The following AHCYL2 variants were observed in gnomAD, a reference collection of about 807,000 sequenced individuals.
AHCYL2 encodes the protein S-adenosylhomocysteine hydrolase-like protein 2.
A neutral mutation model predicts 81.4 loss-of-function variants in AHCYL2; 28 were observed. The ratio of observed to expected loss-of-function variants is 0.34; its 90% confidence interval spans 0.25 to 0.47. The LOEUF (loss-of-function observed/expected upper bound fraction) is 0.47, where lower values mean the gene tolerates loss of function less well. AHCYL2 is among the 20% of genes least tolerant of loss of function. The pLI is 1.00. For missense variants in AHCYL2, 551 were observed against 785.1 expected (o/e 0.70, Z 3.56); for synonymous variants, 272 against 290.2 (o/e 0.94, Z 0.64).
intron 1 of AHCYL2, among the ~76,000 whole-genome samples, chr7:129,234,933 A>G (rs1301371682): frequency 1.3e-5 from 2 of 152,090 alleles, no homozygotes. Flanking sequence ...TGTTGCTGTC[A>G]TGTTTTTCTA....
intron 1 of AHCYL2, among the ~76,000 whole-genome samples, chr7:129,308,700 A>G (rs1271647334): frequency 2.0e-5 from 3 of 152,210 alleles, no homozygotes; most frequent in Non-Finnish European, 4.4e-5. Context: ...AAACAGAAAC[A>G]TTCAGATAGT....
chr7:129,307,327 T>C (rs948513721), intron 1 of AHCYL2, among the ~76,000 whole-genome samples: 4 of 152,076 alleles, frequency 2.6e-5, no homozygotes, highest in Non-Finnish European at 5.9e-5. Flanking sequence ...ACAAGACAAA[T>C]CCTTCCTATT....
At chr7:129,388,034 A>T (rs2150902875) in intron 2 of AHCYL2, 1 of 152,304 alleles carries the variant, frequency 6.6e-6, no homozygotes, top group South Asian at 2.1e-4. Flanking sequence ...CTCTGCATAT[A>T]AGTAGATCAG....
At chr7:129,258,539 TTA>T (rs991060663) in intron 1 of AHCYL2, among the ~76,000 whole-genome samples, 5 of 142,084 alleles carry the variant, frequency 3.5e-5, no homozygotes, top group Middle Eastern at 3.6e-3. Flanking sequence ...ATTATAAAAT[TTA>T]TGTTATTTAT....
In AHCYL2 at chr7:129,426,647, C is replaced by T. The variant is rs752968936; in HGVS notation, c.1829+84C>T. 1.3e-6 allele frequency: 2 copies of T among 1,532,192 alleles called. No homozygotes were observed. Among genetic ancestry groups the T allele is most frequent in the Admixed American group, 4.2e-5 (2 of 47,892 alleles). The allele number at this position is 1,532,192 out of a possible 1,614,324, so 94.9% of individuals were successfully genotyped here. ...GAATTGGTCTTTGCATCCCCAACCA[C>T]ATATGCTTACATGAACTCAGAAAAA... On this transcript the variant is annotated intron_variant, in intron 16 of 16. Coordinates refer to ENST00000325006, the MANE Select transcript of AHCYL2 (RefSeq NM_015328.4). This position sits in a 1 kb window ranked among gnomAD's most constrained non-coding sequence, Gnocchi z 4.3.
chr7:129,348,680 TTAC>T (rs1015962083), intron 1 of AHCYL2, among the ~76,000 whole-genome samples: 1 of 152,212 alleles, frequency 6.6e-6, no homozygotes, highest in Non-Finnish European at 1.5e-5. Context: ...TATATAATAC[TTAC>T]TAAATATGAT....
chr7:129,424,242 A>G (rs1797251156), intron 13 of AHCYL2, among the ~76,000 whole-genome samples: 1 of 151,776 alleles, frequency 6.6e-6, no homozygotes. Flanking sequence ...AAAAAAAAAA[A>G]TACAAAAGTT....
intron 4 of AHCYL2, among the ~76,000 whole-genome samples, chr7:129,395,273 G>A (rs1430216772): frequency 2.0e-5 from 3 of 152,162 alleles, no homozygotes; most frequent in South Asian, 2.1e-4. Context: ...CTCATCTGCC[G>A]CACTAGACTG....
At chr7:129,418,140 G>C (rs1414249493) in intron 12 of AHCYL2, among the ~76,000 whole-genome samples, 4 of 151,674 alleles carry the variant, frequency 2.6e-5, no homozygotes, top group South Asian at 2.1e-4. Flanking sequence ...ATTGGGCAAG[G>C]GGGTGAGGAG....
intron 4 of AHCYL2, among the ~76,000 whole-genome samples, chr7:129,393,963 GTCT>G (rs1289404762): frequency 5.9e-5 from 9 of 152,190 alleles, no homozygotes; most frequent in Admixed American, 5.2e-4. Context: ...TTTTCTGCCA[GTCT>G]TCTTCTTTTT....
chr7:129,376,041 T>G, intron 1 of AHCYL2: 1 of 1,303,768 alleles, frequency 7.7e-7, no homozygotes. Flanking sequence ...CCCTCTGGCA[T>G]AAGGTGAGCT....
rs149479809 is a variant in AHCYL2, at chr7:129,413,664, A to C, written c.1437A>C (p.Gly479=). The C allele has an allele frequency of 1.0e-4, 167 of 1,614,002 alleles. No individual in the cohort carries two copies. Among genetic ancestry groups the C allele is most frequent in the Non-Finnish European group, 1.2e-4 (144 of 1,180,018 alleles). Reference sequence around the variant, plus strand: ...ATAGCTGCATCGTTTGTAACATGGGACATTCCAACACAGAGATTGACGTGG... The same window carrying C: ...ATAGCTGCATCGTTTGTAACATGGGCCATTCCAACACAGAGATTGACGTGG... ...MKNSCIVCNM[G]HSNTEIDVAS... is the part of the protein sequence containing the mutation. Residue 479 remains glycine, a synonymous_variant, in exon 12 of 17, where the codon GGA becomes GGC. Transcript: ENST00000325006.
intron 1 of AHCYL2, among the ~76,000 whole-genome samples, chr7:129,277,919 T>G (rs1260642179): frequency 6.6e-6 from 1 of 152,198 alleles, no homozygotes; most frequent in African/African-American, 2.4e-5. Flanking sequence ...AGAGATATGT[T>G]TTTGTTCCTC....
At chr7:129,377,467 T>A in intron 1 of AHCYL2, 5 of 452,716 alleles carry the variant, frequency 1.1e-5, no homozygotes, top group Non-Finnish European at 2.2e-5. Flanking sequence ...TAAAAGGCAA[T>A]GTGAAGCTAT....
At chr7:129,315,142 T>C (rs1399567537) in intron 1 of AHCYL2, among the ~76,000 whole-genome samples, 1 of 152,126 alleles carries the variant, frequency 6.6e-6, no homozygotes, top group Non-Finnish European at 1.5e-5. Context: ...CTATTGCAGC[T>C]GACACCTGAC....
intron 4 of AHCYL2, among the ~76,000 whole-genome samples, chr7:129,394,241 C>G (rs887480336): frequency 1.3e-5 from 2 of 151,508 alleles, no homozygotes; most frequent in Admixed American, 6.6e-5. Context: ...AAACTCCTGG[C>G]CTCAAGCGAT....
At chr7:129,272,636 TG>T (rs1263563035) in intron 1 of AHCYL2, among the ~76,000 whole-genome samples, 1 of 152,186 alleles carries the variant, frequency 6.6e-6, no homozygotes, top group Non-Finnish European at 1.5e-5. Context: ...CAAGGTTTAT[TG>T]GTACTGCCAC....
intron 1 of AHCYL2, among the ~76,000 whole-genome samples, chr7:129,364,628 C>G (rs995529139): frequency 1.3e-5 from 2 of 152,122 alleles, no homozygotes; most frequent in Non-Finnish European, 2.9e-5. Flanking sequence ...TTATTGTTAC[C>G]ACACTAGTCT....
intron 1 of AHCYL2, among the ~76,000 whole-genome samples, chr7:129,343,730 C>A (rs1389629467): frequency 6.6e-6 from 1 of 152,118 alleles, no homozygotes; most frequent in Non-Finnish European, 1.5e-5. Context: ...AGGAGAAAAT[C>A]TTCATGACCT....
Sources: gnomAD v4.1 joint callset for allele counts (sites outside exome capture counted in the v4.1 genomes callset) on GRCh38, gnomAD v4.1.1 for gene constraint, Gnocchi (gnomAD v3.1) non-coding constraint, MANE v1.5 for transcripts, NCBI Gene and HGNC (gene_info 2026-07-23, HGNC 2026-07-21) for gene names.